C1orf87: variants seen among roughly 807,000 people sequenced by gnomAD.
C1orf87 encodes chromosome 1 open reading frame 87.
C1orf87 carries 58 observed loss-of-function variants against 60.5 expected under a neutral mutation model. The ratio of observed to expected loss-of-function variants is 0.96; its 90% CI spans 0.78 to 1.19. C1orf87 has a LOEUF of 1.19. Ranked by LOEUF, C1orf87 falls within the 50% of genes most tolerant of loss-of-function variation. The probability of loss-of-function intolerance (pLI) is 0.00; values close to 1 mark genes in which losing one functional copy is unlikely to be tolerated. For synonymous variants in C1orf87, 236 were observed against 227.4 expected, an observed-to-expected ratio of 1.04 and a Z score of -0.34; for missense variants, 673 against 638.6, an observed-to-expected ratio of 1.05 and a Z score of -0.58.
chr1:60,008,676 GT>G, intron 9 of C1orf87: 1 of 456,114 alleles, frequency 2.2e-6, no homozygotes, highest in East Asian at 7.0e-5. Flanking sequence ...CTGCTATAAT[GT>G]TTTTCAGCAT....
At chr1:60,016,970 G>A (rs1645128486) in intron 8 of C1orf87, among the ~76,000 whole-genome samples, 1 of 152,210 alleles carries the variant, frequency 6.6e-6, no homozygotes, top group Admixed American at 6.5e-5. Flanking sequence ...CATGGGACTT[G>A]TAGGAGAATC....
chr1:60,058,252 A>G (rs1372042246), intron 2 of C1orf87, among the ~76,000 whole-genome samples: 2 of 152,164 alleles, frequency 1.3e-5, no homozygotes, highest in African/African-American at 4.8e-5. Context: ...GGTTTCTGGG[A>G]TGCTGGTACT....
At chr1:60,039,840 T>G (rs1479838305) in intron 5 of C1orf87, 77 bp downstream of exon 5, 2 of 1,465,706 alleles carry the variant, frequency 1.4e-6, no homozygotes, top group African/African-American at 2.8e-5. Context: ...GTAGCTAACT[T>G]CTTAGTCTTT....
intron 2 of C1orf87, among the ~76,000 whole-genome samples, chr1:60,065,025 ATTT>A (rs1163252384): frequency 2.2e-5 from 2 of 91,758 alleles, no homozygotes; most frequent in Non-Finnish European, 4.7e-5. Flanking sequence ...AAATATATAT[ATTT>A]AATATATATA....
intron 5 of C1orf87, 64 bp downstream of exon 5, chr1:60,039,853 C>T (rs1278479865): frequency 1.3e-6 from 2 of 1,519,502 alleles, no homozygotes; most frequent in Non-Finnish European, 8.9e-7. Flanking sequence ...TAGTCTTTTA[C>T]CCTTGTGGGT....
chr1:60,025,628 C>T (rs1645193991), intron 7 of C1orf87, 130 bp from the exon 8 acceptor site: 1 of 675,702 alleles, frequency 1.5e-6, no homozygotes, highest in Non-Finnish European at 2.4e-6. Context: ...AATTAATACC[C>T]AGGAGTACAT....
intron 6 of C1orf87, among the ~76,000 whole-genome samples, chr1:60,035,455 C>A (rs899943451): frequency 1.3e-5 from 2 of 152,330 alleles, no homozygotes; most frequent in Admixed American, 6.5e-5. Context: ...CCTACTGCCA[C>A]TGGCAATGCT....
chr1:60,046,041 T>A (rs907241553), intron 3 of C1orf87, among the ~76,000 whole-genome samples: 40 of 152,094 alleles, frequency 2.6e-4, no homozygotes, highest in African/African-American at 9.2e-4. Context: ...TTGCAATAGG[T>A]TAATATCTCT....
At chr1:60,013,329 C>G (rs1645102648) in intron 8 of C1orf87, among the ~76,000 whole-genome samples, 1 of 151,946 alleles carries the variant, frequency 6.6e-6, no homozygotes, top group South Asian at 2.1e-4. Context: ...TTATTTTTCT[C>G]TAGATTTTGT....
At chr1:60,072,868 A>C (rs1450171659) in intron 1 of C1orf87, among the ~76,000 whole-genome samples, 198 bp from the exon 2 acceptor site, 1 of 152,234 alleles carries the variant, frequency 6.6e-6, no homozygotes, top group East Asian at 1.9e-4. Context: ...TGAGGAAACA[A>C]GCAAAATGTA....
intron 2 of C1orf87, among the ~76,000 whole-genome samples, chr1:60,066,756 C>T (rs1645549236): frequency 6.6e-6 from 1 of 151,870 alleles, no homozygotes; most frequent in South Asian, 2.1e-4. Context: ...ATACACATGC[C>T]ATGGTGGTTT....
At chr1:60,040,234 A>G in intron 4 of C1orf87, 54 bp from the exon 5 acceptor site, 1 of 1,561,442 alleles carries the variant, frequency 6.4e-7, no homozygotes, top group Non-Finnish European at 8.6e-7. Context: ...CCGGCTAAAG[A>G]CCAAAGCAAG....
At chr1:60,064,696 T>A (rs1340173545) in intron 2 of C1orf87, among the ~76,000 whole-genome samples, 25 of 104,646 alleles carry the variant, frequency 2.4e-4, no homozygotes, top group Non-Finnish European at 4.1e-4. Flanking sequence ...TATATATAAA[T>A]ATATTATTTC....
intron 3 of C1orf87, among the ~76,000 whole-genome samples, chr1:60,052,867 T>C (rs1371445545): frequency 6.6e-6 from 1 of 152,236 alleles, no homozygotes; most frequent in Non-Finnish European, 1.5e-5. Context: ...GTGGCTGCCA[T>C]CTGGCGGGCC....
At chr1:60,016,164 A>C (rs961156932) in intron 8 of C1orf87, among the ~76,000 whole-genome samples, 3 of 152,216 alleles carry the variant, frequency 2.0e-5, no homozygotes, top group African/African-American at 7.2e-5. Context: ...GCCCTAACAG[A>C]AGTAAGAGTC....
At chr1:60,025,359 TG>T in intron 8 of C1orf87, 41 bp downstream of exon 8, 1 of 1,438,158 alleles carries the variant, frequency 7.0e-7, no homozygotes, top group South Asian at 1.2e-5. Context: ...GGGGAAGGGG[TG>T]GTGGATACAA....
At chr1:60,007,430 C>G (rs1459886619) in intron 9 of C1orf87, among the ~76,000 whole-genome samples, 1 of 151,838 alleles carries the variant, frequency 6.6e-6, no homozygotes, top group Non-Finnish European at 1.5e-5. Context: ...CTGAAAATTC[C>G]CCATCTTGTC....
chr1:60,013,132 G>T (rs948740364), intron 8 of C1orf87, among the ~76,000 whole-genome samples: 1 of 151,984 alleles, frequency 6.6e-6, no homozygotes, highest in Non-Finnish European at 1.5e-5. Flanking sequence ...TCTTAATTTA[G>T]CTTACATCAC....
intron 2 of C1orf87, among the ~76,000 whole-genome samples, chr1:60,056,111 G>A (rs1013040286): frequency 6.6e-6 from 1 of 152,066 alleles, no homozygotes; most frequent in Admixed American, 6.6e-5. Context: ...GGGCGTGGTG[G>A]CACACACCTG....
Sources: allele counts gnomAD v4.1 joint callset (sites outside exome capture counted in the v4.1 genomes callset), GRCh38; gene constraint gnomAD v4.1.1; transcripts MANE v1.5; gene names NCBI Gene and HGNC (gene_info 2026-07-23, HGNC 2026-07-21).